Variants in ANKDD1A observed in about 807,000 individuals in gnomAD.
ANKDD1A encodes ankyrin repeat and death domain containing 1A.
ANKDD1A carries 59 observed loss-of-function variants against 63.5 expected under a neutral mutation model. The observed-to-expected ratio is 0.93, with a 90% CI of 0.75 to 1.15. The LOEUF is 1.15. ANKDD1A is among the 50% of genes most tolerant of loss of function. ANKDD1A has a pLI of 0.00. For missense variants in ANKDD1A, 632 were observed against 656.4 expected (o/e 0.96, Z 0.41); for synonymous variants, 266 against 263.9 (o/e 1.01, Z -0.08).
intron 14 of ANKDD1A, among the ~76,000 whole-genome samples, chr15:64,951,727 C>CTCTTTCCTT (rs2085284836): frequency 3.6e-5 from 5 of 138,134 alleles, no homozygotes; most frequent in South Asian, 2.3e-4. Flanking sequence ...CTTCCCTTTT[C>CTCTTTCCTT]TTCTTTCCTC....
chr15:64,918,188 C>A (rs1247677604), intron 3 of ANKDD1A, among the ~76,000 whole-genome samples: 3 of 152,222 alleles, frequency 2.0e-5, no homozygotes, highest in Non-Finnish European at 4.4e-5. Flanking sequence ...CACGGCGAAA[C>A]TCCGTCTCTA....
chr15:64,917,286 T>C (rs1351673833), intron 2 of ANKDD1A, 100 bp from the exon 3 acceptor site: 2 of 1,404,846 alleles, frequency 1.4e-6, no homozygotes, highest in Admixed American at 5.6e-5. Context: ...GCAAAGACCC[T>C]TCCAGCCTGC....
intron 9 of ANKDD1A, among the ~76,000 whole-genome samples, chr15:64,939,422 G>C: frequency 6.6e-6 from 1 of 152,174 alleles, no homozygotes; most frequent in East Asian, 1.9e-4. Flanking sequence ...TTCAAGACCA[G>C]CCTGGGCAAC....
chr15:64,939,522 G>A (rs2085163457), intron 9 of ANKDD1A, among the ~76,000 whole-genome samples: 1 of 152,156 alleles, frequency 6.6e-6, no homozygotes, highest in Non-Finnish European at 1.5e-5. Flanking sequence ...GGCTGAGGCA[G>A]GAAGATCATA....
intron 2 of ANKDD1A, among the ~76,000 whole-genome samples, chr15:64,916,535 C>T (rs932629763): frequency 2.6e-5 from 4 of 152,086 alleles, no homozygotes; most frequent in African/African-American, 9.7e-5. Context: ...CTATGTTGCC[C>T]AGGCTGGTCT....
At position 64,934,132 on chromosome 15, in the gene ANKDD1A, C is replaced by T; in HGVS notation, c.769-4C>T. On this transcript the variant is annotated splice_polypyrimidine_tract_variant and splice_region_variant and intron_variant, in intron 8 of 14. Coordinates refer to ENST00000319580, the MANE Select transcript of ANKDD1A (RefSeq NM_182703.6). ...ATAACGCATTGATGCCTGTTTCCTT[C>T]TAGAAAAACCTAAGCTGCCTTCACT... is the stretch of plus-strand genomic sequence containing the variant. 6.2e-7 allele frequency: 1 copy of T among 1,604,016 alleles called. No homozygotes were observed. Among genetic ancestry groups the T allele is most frequent in the Non-Finnish European group, 8.5e-7 (1 of 1,173,530 alleles).
At chr15:64,934,114 A>T in intron 8 of ANKDD1A, 22 bp from the exon 9 acceptor site, 1 of 1,598,652 alleles carries the variant, frequency 6.3e-7, no homozygotes, top group East Asian at 2.2e-5. Context: ...GTGATAACGC[A>T]TTGATGCCTG....
intron 4 of ANKDD1A, among the ~76,000 whole-genome samples, chr15:64,923,381 CTG>C (rs1359348322): frequency 6.6e-6 from 1 of 152,118 alleles, no homozygotes; most frequent in Non-Finnish European, 1.5e-5. Flanking sequence ...TAAATTTATG[CTG>C]TTTTATGCCA....
chr15:64,948,691 TGGTC>T, intron 13 of ANKDD1A, among the ~76,000 whole-genome samples: 1 of 152,098 alleles, frequency 6.6e-6, no homozygotes, highest in Non-Finnish European at 1.5e-5. Context: ...CTGGGCATGA[TGGTC>T]GGGTCCTGTA....
chr15:64,914,936 A>G (rs1436431630), intron 1 of ANKDD1A, among the ~76,000 whole-genome samples: 1 of 152,162 alleles, frequency 6.6e-6, no homozygotes, highest in Non-Finnish European at 1.5e-5. Flanking sequence ...AGCACAGAGA[A>G]GAGAGACCAC....
intron 14 of ANKDD1A, chr15:64,951,461 T>C (rs1395897994): frequency 3.4e-5 from 1 of 29,620 alleles, no homozygotes; most frequent in Admixed American, 1.3e-3. Flanking sequence ...TCTTTTCTTT[T>C]CTCTTTTTTC....
rs1306465254 is a variant in ANKDD1A, at chr15:64,943,322, A to G, written c.967-162A>G. On this transcript the variant is annotated intron_variant, in intron 10 of 14. Coordinates refer to ENST00000319580, the MANE Select transcript of ANKDD1A (RefSeq NM_182703.6). The stretch of plus-strand genomic sequence containing the variant: ...AAAAAAATTAAGATGTAAAATGTAC[A>G]TATAAGATGATCTCATGTATGTAAA... 4.8e-5 allele frequency: 32 copies of G among 666,418 alleles called. No homozygotes were observed. The Admixed American group carries it at 5.0e-4, about 10-fold the overall frequency. 41.3% of individuals were successfully genotyped at this position (666,418 alleles called of 1,614,324 possible).
chr15:64,923,051 A>G (rs1260214434), intron 4 of ANKDD1A, among the ~76,000 whole-genome samples: 1 of 152,228 alleles, frequency 6.6e-6, no homozygotes, highest in African/African-American at 2.4e-5. Context: ...TAATATTTTC[A>G]TAACTTAATT....
intron 12 of ANKDD1A, among the ~76,000 whole-genome samples, chr15:64,946,957 G>A (rs956738376): frequency 5.9e-5 from 9 of 152,146 alleles, no homozygotes; most frequent in African/African-American, 1.4e-4. Context: ...AAAGGATTTT[G>A]TAATCCCACC....
Position 64,942,538 on chromosome 15 carries a change from C to T in ANKDD1A, c.939C>T (p.Ser313=), listed in dbSNP as rs369861157. ...CCTTGGTCCGGCTCCTCATCAACTC[C>T]GACAGTGACGTGAATGCCGTGGACA... is the stretch of plus-strand genomic sequence containing the variant. ...FPALVRLLIN[S]DSDVNAVDNR... Residue 313 remains serine, a synonymous_variant, in exon 10 of 15, where the codon TCC becomes TCT. Coordinates refer to ENST00000319580, the MANE Select transcript of ANKDD1A (RefSeq NM_182703.6). The T allele has an allele frequency of 9.4e-5, 151 of 1,613,684 alleles. No homozygotes were observed. Among genetic ancestry groups the T allele is most frequent in the Non-Finnish European group, 1.1e-4 (134 of 1,179,910 alleles).
intron 9 of ANKDD1A, among the ~76,000 whole-genome samples, chr15:64,935,640 A>C (rs1350855271): frequency 6.6e-6 from 1 of 151,908 alleles, no homozygotes; most frequent in East Asian, 1.9e-4. Context: ...GCACCACTGC[A>C]CTCCAGCCTG....
Position 64,926,086 on chromosome 15 carries a change from C to T in ANKDD1A, c.387C>T (p.His129=). The T allele has an allele frequency of 6.2e-7, 1 of 1,613,842 alleles. No homozygotes were observed. The highest frequency in any genetic ancestry group is 1.1e-5 in the South Asian group (1 of 91,000). ...TCCAGGATGGCCTGACCTTACTGCACTGCGCAGCCCAAAAAGGCCATGTGC... is the reference window on the plus strand; with the variant it reads ...TCCAGGATGGCCTGACCTTACTGCATTGCGCAGCCCAAAAAGGCCATGTGC... ...CESKDGLTLL[H]CAAQKGHVPV... Residue 129 remains histidine, a synonymous_variant, in exon 5 of 15, where the codon CAC becomes CAT. Transcript: ENST00000319580.
intron 3 of ANKDD1A, 76 bp downstream of exon 3, chr15:64,917,590 C>T: frequency 6.7e-7 from 1 of 1,497,754 alleles, no homozygotes; most frequent in Middle Eastern, 2.0e-4. Context: ...GAGCCAGTTG[C>T]CGAGATTGCT....
Position 64,919,022 on chromosome 15 carries a change from A to G in ANKDD1A, c.267+1508A>G, listed in dbSNP as rs544475478. ...TAAGTAACCTTTTGAAAAATAAGAC[A>G]GCCTGCTGGGCTTGCCTGCTGTAGT... On this transcript the variant is annotated intron_variant, in intron 3 of 14. Transcript: ENST00000319580. Among the ~76,000 whole-genome samples the G allele has an allele frequency of 3.3e-5, 5 of 152,316 alleles. No homozygotes were observed. In the South Asian group the frequency reaches 1.0e-3, roughly 32 times the overall value.
Sources: allele counts gnomAD v4.1 joint callset (sites outside exome capture counted in the v4.1 genomes callset), GRCh38; gene constraint gnomAD v4.1.1; transcripts MANE v1.5; gene names NCBI Gene and HGNC (gene_info 2026-07-23, HGNC 2026-07-21).